ZSCAN25: variants seen among roughly 807,000 people sequenced by gnomAD.
ZSCAN25 encodes zinc finger and SCAN domain containing 25.
A neutral mutation model predicts 38.7 loss-of-function variants in ZSCAN25; 27 were observed. The observed-to-expected ratio is 0.70, with a 90% CI of 0.51 to 0.96. ZSCAN25 has a LOEUF of 0.96. ZSCAN25 is among the 40% of genes least tolerant of loss of function. The probability of loss-of-function intolerance (pLI) is 0.00; values close to 1 mark genes in which losing one functional copy is unlikely to be tolerated. For synonymous variants in ZSCAN25, 273 were observed against 277.7 expected (o/e 0.98, Z 0.17); for missense variants, 637 against 705.9 (o/e 0.90, Z 1.11).
the ZSCAN25 span, among the ~76,000 whole-genome samples, chr7:99,651,610 G>T: frequency 3.9e-5 from 6 of 152,158 alleles, no homozygotes; most frequent in Non-Finnish European, 5.9e-5. Flanking sequence ...ACAAGACAAG[G>T]TTCCTCCCAT....
the ZSCAN25 span, chr7:99,714,665 T>C: frequency 7.4e-6 from 12 of 1,611,956 alleles, no homozygotes; most frequent in Non-Finnish European, 1.0e-5. Context: ...AGAATTGGGG[T>C]AAGGAATGGA....
At chr7:99,705,246 T>TA in the ZSCAN25 span, 1 of 399,464 alleles carries the variant, frequency 2.5e-6, no homozygotes, top group Non-Finnish European at 4.6e-6. Flanking sequence ...GTGGTGGAGA[T>TA]AGTCCTATGA....
At chr7:99,705,903 A>C in the ZSCAN25 span, among the ~76,000 whole-genome samples, 1 of 152,228 alleles carries the variant, frequency 6.6e-6, no homozygotes, top group Non-Finnish European at 1.5e-5. Context: ...AAAATGGATG[A>C]GTTTTAAAAA....
chr7:99,671,797 G>A, the ZSCAN25 span: 2 of 702,774 alleles, frequency 2.8e-6, no homozygotes, highest in East Asian at 2.7e-5. Context: ...CAAACTCCAT[G>A]TTGTGACTGT....
chr7:99,664,577 A>T, the ZSCAN25 span, among the ~76,000 whole-genome samples: 1 of 152,224 alleles, frequency 6.6e-6, no homozygotes, highest in Admixed American at 6.5e-5. Context: ...GTTTTAAGTG[A>T]CCAGTGAGTC....
At chr7:99,678,661 C>G in the ZSCAN25 span, among the ~76,000 whole-genome samples, 1 of 152,116 alleles carries the variant, frequency 6.6e-6, no homozygotes, top group Non-Finnish European at 1.5e-5. Context: ...TAGTCTATCT[C>G]CAAAAAATTC....
chr7:99,675,985 G>C, the ZSCAN25 span: 1 of 741,464 alleles, frequency 1.3e-6, no homozygotes, highest in African/African-American at 1.8e-5. Context: ...ATGATCCACT[G>C]CACCCAGTCC....
the ZSCAN25 span, among the ~76,000 whole-genome samples, chr7:99,717,823 C>G: frequency 5.9e-5 from 9 of 152,188 alleles, no homozygotes; most frequent in African/African-American, 2.2e-4. Context: ...GATGTGGTCT[C>G]CAGCCTGTAT....
At chr7:99,713,654 G>A in the ZSCAN25 span, 6 of 1,361,676 alleles carry the variant, frequency 4.4e-6, no homozygotes, top group Non-Finnish European at 6.2e-6. Flanking sequence ...CCAGAAATCT[G>A]ATGGGTGTTG....
intron 4 of ZSCAN25, 154 bp from the exon 5 acceptor site, chr7:99,621,219 A>C (rs1208352515): frequency 1.8e-6 from 1 of 569,166 alleles, no homozygotes; most frequent in East Asian, 3.4e-5. Context: ...CTTCCTCACT[A>C]ATGTCCTGGG....
the ZSCAN25 span, among the ~76,000 whole-genome samples, chr7:99,683,725 T>C: frequency 1.3e-5 from 2 of 152,138 alleles, no homozygotes; most frequent in Non-Finnish European, 2.9e-5. Context: ...TTTTCTCTGC[T>C]TGCTTGGACT....
chr7:99,688,201 G>C, the ZSCAN25 span, among the ~76,000 whole-genome samples: 2 of 152,172 alleles, frequency 1.3e-5, no homozygotes, highest in African/African-American at 4.8e-5. Context: ...TGGGCTAAAT[G>C]CTCCAATTAA....
At chr7:99,690,784 C>T in the ZSCAN25 span, among the ~76,000 whole-genome samples, 1 of 152,004 alleles carries the variant, frequency 6.6e-6, no homozygotes, top group African/African-American at 2.4e-5. Flanking sequence ...ATTAAAAAGT[C>T]AGAAAACAAC....
chr7:99,671,749 A>G, the ZSCAN25 span: 6 of 687,024 alleles, frequency 8.7e-6, no homozygotes, highest in Non-Finnish European at 1.6e-5. Flanking sequence ...CAAATAAATA[A>G]AAGTTTGCTC....
chr7:99,720,423 A>G, the ZSCAN25 span: 1 of 1,613,294 alleles, frequency 6.2e-7, no homozygotes, highest in Non-Finnish European at 8.5e-7. Context: ...CTGTGTGGAG[A>G]AAACAGAGTT....
the ZSCAN25 span, among the ~76,000 whole-genome samples, chr7:99,691,453 T>C: frequency 2.0e-5 from 3 of 152,170 alleles, no homozygotes; most frequent in East Asian, 3.9e-4. Flanking sequence ...TAAAATAAAA[T>C]AAACCTTCTG....
chr7:99,696,996 G>T, the ZSCAN25 span, among the ~76,000 whole-genome samples: 13 of 152,132 alleles, frequency 8.5e-5, no homozygotes, highest in African/African-American at 3.1e-4. Context: ...TTTCCTGAGG[G>T]CTCCCTAGAG....
At chr7:99,700,135 A>T in the ZSCAN25 span, 1 of 792,294 alleles carries the variant, frequency 1.3e-6, no homozygotes, top group East Asian at 2.6e-5. Context: ...CCTGCACAGC[A>T]GTCTTAGGTC....
the ZSCAN25 span, chr7:99,663,634 G>C: frequency 3.0e-6 from 3 of 1,009,060 alleles, no homozygotes; most frequent in Admixed American, 5.8e-5. Flanking sequence ...TATGAGGAAA[G>C]CACAATACCA....
Sources: gnomAD v4.1 joint callset for allele counts (sites outside exome capture counted in the v4.1 genomes callset) on GRCh38, gnomAD v4.1.1 for gene constraint, MANE v1.5 for transcripts, NCBI Gene and HGNC (gene_info 2026-07-23, HGNC 2026-07-21) for gene names.